PTGFRN: variants seen among roughly 807,000 people sequenced by gnomAD.
PTGFRN encodes prostaglandin F2 receptor negative regulator.
A neutral mutation model predicts 83.2 loss-of-function variants in PTGFRN; 35 were observed. That is an observed-to-expected ratio of 0.42 (90% CI 0.32 to 0.56). The LOEUF (loss-of-function observed/expected upper bound fraction) is 0.56, where lower values mean the gene tolerates loss of function less well. Ranked by LOEUF, PTGFRN falls within the 20% of genes least tolerant of loss-of-function variation. The probability of loss-of-function intolerance (pLI) is 0.11; values close to 1 mark genes in which losing one functional copy is unlikely to be tolerated. For synonymous variants in PTGFRN, 519 were observed against 498.6 expected (o/e 1.04, Z -0.55); for missense variants, 1,051 against 1,179.5 (o/e 0.89, Z 1.60).
At position 116,987,263 on chromosome 1, in the gene PTGFRN, A is replaced by G. The variant is rs748440236; in HGVS notation, c.*296A>G. On this transcript the variant is annotated 3_prime_UTR_variant, in exon 9 of 9. Transcript: ENST00000393203. ...TTTTTTTTCTCCCACTGGTTTATAG[A>G]TCCTCTGACTTGTGTGTGTTTATAG... 12 of 319,346 alleles carry G rather than the reference A, an allele frequency of 3.8e-5. No homozygotes were observed. Among genetic ancestry groups the G allele is most frequent in the Non-Finnish European group, 5.3e-5 (9 of 168,302 alleles). 19.8% of individuals were successfully genotyped at this position (319,346 alleles called of 1,614,324 possible).
intron 1 of PTGFRN, 55 bp downstream of exon 1, chr1:116,910,307 G>T: frequency 7.9e-7 from 1 of 1,262,576 alleles, no homozygotes; most frequent in Non-Finnish European, 1.0e-6. Context: ...GCCCTGGAGG[G>T]CTCGGCGGGG....
intron 6 of PTGFRN, among the ~76,000 whole-genome samples, chr1:116,971,703 T>G (rs1302692679): frequency 1.3e-5 from 2 of 152,224 alleles, no homozygotes; most frequent in African/African-American, 4.8e-5. Flanking sequence ...CCTTGTGAGC[T>G]GCAGCACAAA....
chr1:116,927,543 T>C (rs12072161), intron 1 of PTGFRN, among the ~76,000 whole-genome samples: 7,953 of 148,354 alleles, frequency 0.054, 255 homozygotes, highest in East Asian at 0.14. Context: ...TTTTTTTTTT[T>C]TGATACAGGG....
chr1:116,911,799 C>T (rs566688145), intron 1 of PTGFRN, among the ~76,000 whole-genome samples: 3 of 152,232 alleles, frequency 2.0e-5, no homozygotes, highest in Admixed American at 1.3e-4. Flanking sequence ...TGCTCCACCA[C>T]ACCCGGTGGT....
chr1:116,910,619 CGGCCCGGG>C (rs1451395860), intron 1 of PTGFRN, among the ~76,000 whole-genome samples: 1 of 152,030 alleles, frequency 6.6e-6, no homozygotes, highest in Non-Finnish European at 1.5e-5. Context: ...GCTGCGGTCC[CGGCCCGGG>C]TCCTCGGCTC....
chr1:116,964,560 C>A (rs1650772148), intron 5 of PTGFRN, among the ~76,000 whole-genome samples: 1 of 152,138 alleles, frequency 6.6e-6, no homozygotes. Context: ...TTAACCTCAC[C>A]TTCTTGGTGA....
chr1:116,949,656 T>G, intron 4 of PTGFRN, 84 bp downstream of exon 4: 1 of 1,508,774 alleles, frequency 6.6e-7, no homozygotes, highest in Non-Finnish European at 8.9e-7. Flanking sequence ...CAGGAGGCTC[T>G]GCGCTTTGCA....
At chr1:116,986,239 G>C (rs1052324468) in intron 8 of PTGFRN, among the ~76,000 whole-genome samples, 1 of 152,208 alleles carries the variant, frequency 6.6e-6, no homozygotes, top group Non-Finnish European at 1.5e-5. Context: ...AGTCTAAATG[G>C]TGTTTGTGCA....
At position 116,961,607 on chromosome 1, in the gene PTGFRN, C is replaced by G. The variant is rs540596150; in HGVS notation, c.1578C>G (p.Asn526Lys). The change falls in exon 5 of 9, where the codon AAC (asparagine) becomes AAG (lysine). Residue 526 changes from asparagine (N) to lysine (K), a missense_variant. Physicochemically the swap from Asn to Lys is moderately conservative, Grantham distance 94. Transcript: ENST00000393203. The surrounding 1 kb of genome is among the most constrained non-coding windows in gnomAD (Gnocchi z 5.4). ...VVSAWTKQRN[N>K]SWVKSKDVFS... ...CTGCCTGGACCAAACAGCGGAACAA[C>G]AGCTGGGTGAAAAGCAAGGATGTCT... is the stretch of plus-strand genomic sequence containing the variant. 6.2e-7 allele frequency: 1 copy of G among 1,614,106 alleles called. No individual in the cohort carries two copies. The highest frequency in any genetic ancestry group is 2.2e-5 in the East Asian group (1 of 44,886).
Position 116,925,435 on chromosome 1 carries a change from GAAAA to G in PTGFRN, c.49+15190_49+15193del, listed in dbSNP as rs112765095. Among the ~76,000 whole-genome samples the G allele has an allele frequency of 4.0e-3, 588 of 146,526 alleles. 1 individual carries two copies. The highest frequency in any genetic ancestry group is 6.7e-3 in the Non-Finnish European group (442 of 65,844). On this transcript the variant is annotated intron_variant, in intron 1 of 8. Transcript: ENST00000393203. ...GAGAGAGACTCCCTCTCAAAAAAAAGAAAAAAAAAAGATAAAACCATTCATAGGA... is the reference window on the plus strand; with the variant it reads ...GAGAGAGACTCCCTCTCAAAAAAAAGAAAAAAGATAAAACCATTCATAGGA...
chr1:116,916,058 A>C (rs1398187397), intron 1 of PTGFRN, among the ~76,000 whole-genome samples: 1 of 152,234 alleles, frequency 6.6e-6, no homozygotes, highest in East Asian at 1.9e-4. Context: ...ATGCGTTTCC[A>C]GTAGGCTGGA....
Position 116,958,885 on chromosome 1 carries a change from CTT to C in PTGFRN, c.1214-2357_1214-2356del, listed in dbSNP as rs1452552897. Among the ~76,000 whole-genome samples the C allele has an allele frequency of 6.6e-6, 1 of 152,178 alleles. No individual in the cohort carries two copies. Among genetic ancestry groups the C allele is most frequent in the African/African-American group, 2.4e-5 (1 of 41,440 alleles). On this transcript the variant is annotated intron_variant, in intron 4 of 8. Coordinates refer to ENST00000393203, the MANE Select transcript of PTGFRN (RefSeq NM_020440.4). The surrounding 1 kb of genome is among the most constrained non-coding windows in gnomAD (Gnocchi z 4.9). ...CAGTCTCATGCCACACAGGAAGGGT[CTT>C]ATGTGTTGTGCTTGAAATGGACTTG...
chr1:116,976,249 G>A (rs936413059), intron 7 of PTGFRN, among the ~76,000 whole-genome samples: 2 of 152,202 alleles, frequency 1.3e-5, no homozygotes, highest in Admixed American at 1.3e-4. Flanking sequence ...GTGTCTGATT[G>A]GTGTACCTGA....
chr1:116,981,899 A>G (rs1651331814), intron 7 of PTGFRN, among the ~76,000 whole-genome samples: 1 of 152,326 alleles, frequency 6.6e-6, no homozygotes, highest in South Asian at 2.1e-4. Context: ...GAAGGTGAAC[A>G]TGGCTGATCT....
At chr1:116,985,027 T>C in intron 8 of PTGFRN, 42 bp downstream of exon 8, 1 of 1,493,736 alleles carries the variant, frequency 6.7e-7, no homozygotes, top group Non-Finnish European at 8.9e-7. Flanking sequence ...GGGAATGTCT[T>C]CTTCTTGTGC....
intron 4 of PTGFRN, among the ~76,000 whole-genome samples, chr1:116,956,278 C>G (rs1486129709): frequency 6.6e-6 from 1 of 152,188 alleles, no homozygotes; most frequent in African/African-American, 2.4e-5. Context: ...AAACTGAGGC[C>G]TCCTTTTCTG....
At chr1:116,931,166 C>T (rs888594747) in intron 1 of PTGFRN, among the ~76,000 whole-genome samples, 2 of 152,164 alleles carry the variant, frequency 1.3e-5, no homozygotes, top group Non-Finnish European at 2.9e-5. Context: ...AGGAAATGCT[C>T]GTTGGAGCAC....
At chr1:116,946,313 G>T (rs1650201091) in intron 3 of PTGFRN, among the ~76,000 whole-genome samples, 1 of 152,192 alleles carries the variant, frequency 6.6e-6, no homozygotes, top group South Asian at 2.1e-4. Context: ...GGAAAAGCAG[G>T]TCTGAGGTTC....
At chr1:116,910,837 G>C (rs577028343) in intron 1 of PTGFRN, among the ~76,000 whole-genome samples, 3 of 152,312 alleles carry the variant, frequency 2.0e-5, no homozygotes, top group South Asian at 2.1e-4. Context: ...GTCGTGGCTA[G>C]ATCTTCTGCC....
Sources: gnomAD v4.1 joint callset for allele counts (sites outside exome capture counted in the v4.1 genomes callset) on GRCh38, gnomAD v4.1.1 for gene constraint, Gnocchi (gnomAD v3.1) non-coding constraint, MANE v1.5 for transcripts, NCBI Gene and HGNC (gene_info 2026-07-23, HGNC 2026-07-21) for gene names.